The following RALGAPA1 variants were observed in gnomAD, a reference collection of about 807,000 sequenced individuals.
RALGAPA1 encodes the protein Ral GTPase activating protein catalytic subunit alpha 1, also known as ral GTPase-activating protein subunit alpha-1.
RALGAPA1 carries 52 observed loss-of-function variants against 269.6 expected under a neutral mutation model. The observed-to-expected ratio is 0.19, with a 90% confidence interval of 0.15 to 0.24. RALGAPA1 has a LOEUF of 0.24. Ranked by LOEUF, RALGAPA1 falls within the 10% of genes least tolerant of loss-of-function variation. The pLI is 1.00. For synonymous variants in RALGAPA1, 817 were observed against 1,008.3 expected (o/e 0.81, Z 3.60); for missense variants, 1,917 against 3,013.9 (o/e 0.64, Z 8.52).
intron 37 of RALGAPA1, among the ~76,000 whole-genome samples, chr14:35,573,224 G>C (rs562918959): frequency 2.6e-5 from 4 of 152,190 alleles, no homozygotes; most frequent in African/African-American, 7.2e-5. Flanking sequence ...GCTTACAAAG[G>C]TGTTTCTGGC....
At chr14:35,797,717 T>G (rs1595593896) in intron 1 of RALGAPA1, among the ~76,000 whole-genome samples, 1 of 149,484 alleles carries the variant, frequency 6.7e-6, no homozygotes, top group African/African-American at 2.4e-5. Flanking sequence ...TGGTGGCACC[T>G]GCCTGTAATC....
In RALGAPA1 at chr14:35,554,340, T is replaced by G. The variant is rs971992259; in HGVS notation, c.7497-5106A>C. Among the ~76,000 whole-genome samples, 28 of 71,432 alleles carry G rather than the reference T, an allele frequency of 3.9e-4. No individual in the cohort carries two copies. The African/African-American group carries it at 4.6e-3, about 12-fold the overall frequency. The allele number at this position is 71,432 out of a possible 152,430, so 46.9% of individuals were successfully genotyped here. ...TGTTCTTCTACTAAATACACTTTCTTTTTTTTTTTTTTTTTTTTTTTTTTG... is the reference window on the plus strand; with the variant it reads ...TGTTCTTCTACTAAATACACTTTCTGTTTTTTTTTTTTTTTTTTTTTTTTG... On this transcript the variant is annotated intron_variant, in intron 39 of 41. Transcript: ENST00000680220.
At chr14:35,723,296 A>T (rs750564033) in intron 14 of RALGAPA1, 32 bp from the exon 15 acceptor site, 2 of 1,304,692 alleles carry the variant, frequency 1.5e-6, no homozygotes, top group African/African-American at 2.9e-5. Flanking sequence ...ATAACAATAA[A>T]ATGTGTTTAG....
intron 26 of RALGAPA1, among the ~76,000 whole-genome samples, chr14:35,668,294 C>A (rs1566959678): frequency 6.6e-6 from 1 of 151,548 alleles, no homozygotes; most frequent in Non-Finnish European, 1.5e-5. Context: ...ACCAGCCTGG[C>A]CAAAATGGTG....
intron 1 of RALGAPA1, among the ~76,000 whole-genome samples, chr14:35,788,610 G>T (rs931572499): frequency 6.6e-6 from 1 of 152,024 alleles, no homozygotes; most frequent in Non-Finnish European, 1.5e-5. Flanking sequence ...CATAGTGAGG[G>T]GTGGAGAAGC....
chr14:35,667,168 G>A (rs1566957129), intron 26 of RALGAPA1, among the ~76,000 whole-genome samples: 1 of 152,146 alleles, frequency 6.6e-6, no homozygotes, highest in Non-Finnish European at 1.5e-5. Context: ...TTGGGAGGCT[G>A]AGGCGGGCGG....
rs367848860 is a variant in RALGAPA1 at position 35,716,352 on chromosome 14, C to T, written c.2266+5336G>A. ...GGCGGAGGTTGCAGTGAGCTGAGAT[C>T]GCACCACTGCACTCCAGCCTGGGTG... On this transcript the variant is annotated intron_variant, in intron 16 of 41. Coordinates refer to ENST00000680220, the MANE Select transcript of RALGAPA1 (RefSeq NM_001346249.2). Among the ~76,000 whole-genome samples, 766 of 144,330 alleles carry T rather than the reference C, an allele frequency of 5.3e-3. 1 individual carries two copies. Among genetic ancestry groups the T allele is most frequent in the African/African-American group, 0.018 (699 of 38,422 alleles). The allele number at this position is 144,330 out of a possible 152,430, so 94.7% of individuals were successfully genotyped here.
intron 28 of RALGAPA1, among the ~76,000 whole-genome samples, chr14:35,657,050 T>C (rs1408744051): frequency 1.3e-5 from 2 of 152,128 alleles, no homozygotes; most frequent in African/African-American, 2.4e-5. Context: ...AGGATATATA[T>C]ATTTTTTTCT....
intron 13 of RALGAPA1, among the ~76,000 whole-genome samples, chr14:35,725,701 CAA>C (rs766400524): frequency 4.5e-5 from 6 of 133,532 alleles, no homozygotes; most frequent in Non-Finnish European, 6.5e-5. Context: ...CCTTGTCTCT[CAA>C]AAAAAAAAAA....
At chr14:35,790,505 T>C (rs1010794189) in intron 1 of RALGAPA1, among the ~76,000 whole-genome samples, 13 of 151,146 alleles carry the variant, frequency 8.6e-5, no homozygotes, top group Non-Finnish European at 1.5e-4. Context: ...CTGGCCAACA[T>C]GGTGAAACCC....
intron 1 of RALGAPA1, among the ~76,000 whole-genome samples, chr14:35,803,751 G>A (rs1006664952): frequency 9.3e-5 from 14 of 151,348 alleles, no homozygotes; most frequent in African/African-American, 3.4e-4. Context: ...TCCCATCTCA[G>A]CCTCCTGAAT....
At chr14:35,655,950 A>G in intron 28 of RALGAPA1, 35 bp from the exon 29 acceptor site, 1 of 1,611,988 alleles carries the variant, frequency 6.2e-7, no homozygotes, top group East Asian at 2.2e-5. Flanking sequence ...GTTACATAAA[A>G]TGAAACCACC....
intron 17 of RALGAPA1, among the ~76,000 whole-genome samples, chr14:35,692,295 A>C (rs2066544499): frequency 6.6e-6 from 1 of 152,202 alleles, no homozygotes; most frequent in African/African-American, 2.4e-5. Context: ...AAACATTATG[A>C]CACTAGCAAA....
intron 39 of RALGAPA1, 125 bp from the exon 40 acceptor site, chr14:35,549,359 T>C: frequency 1.0e-6 from 1 of 987,332 alleles, no homozygotes; most frequent in Non-Finnish European, 1.4e-6. Flanking sequence ...CACTAATTAT[T>C]CTTATATATT....
At chr14:35,770,027 C>A (rs904279624) in intron 4 of RALGAPA1, among the ~76,000 whole-genome samples, 2 of 151,972 alleles carry the variant, frequency 1.3e-5, no homozygotes, top group African/African-American at 2.4e-5. Flanking sequence ...GAGAGGCAAA[C>A]TGAAGTAAGC....
At chr14:35,786,682 T>C (rs2075822273) in intron 1 of RALGAPA1, among the ~76,000 whole-genome samples, 2 of 152,190 alleles carry the variant, frequency 1.3e-5, no homozygotes, top group Non-Finnish European at 2.9e-5. Flanking sequence ...CCACAGTATC[T>C]CTCACAAACA....
chr14:35,773,594 T>C (rs2074796299), intron 3 of RALGAPA1, among the ~76,000 whole-genome samples: 2 of 152,148 alleles, frequency 1.3e-5, no homozygotes, highest in Admixed American at 1.3e-4. Flanking sequence ...CGTAAACATT[T>C]GAAGGAATAC....
At position 35,696,563 on chromosome 14, in the gene RALGAPA1, A is replaced by G. The variant is rs985871346; in HGVS notation, c.2407+3599T>C. Among the ~76,000 whole-genome samples, 6 of 151,798 alleles carry G rather than the reference A, an allele frequency of 4.0e-5. No individual in the cohort carries two copies. In the East Asian group the frequency reaches 1.2e-3, roughly 29 times the overall value. Reference sequence around the variant, plus strand: ...AAAATGGGCTGGGAACAAATAAGGTACTTAGAAAACTGATGGTCCTTTCTC... The same window carrying G: ...AAAATGGGCTGGGAACAAATAAGGTGCTTAGAAAACTGATGGTCCTTTCTC... On this transcript the variant is annotated intron_variant, in intron 17 of 41. Coordinates refer to ENST00000680220, the MANE Select transcript of RALGAPA1 (RefSeq NM_001346249.2).
At chr14:35,655,120 A>G (rs1373716382) in intron 29 of RALGAPA1, among the ~76,000 whole-genome samples, 2 of 152,180 alleles carry the variant, frequency 1.3e-5, no homozygotes, top group Non-Finnish European at 2.9e-5. Context: ...TCTTGAAGCT[A>G]GTATTTACAA....
Sources: allele counts gnomAD v4.1 joint callset (sites outside exome capture counted in the v4.1 genomes callset), GRCh38; gene constraint gnomAD v4.1.1; transcripts MANE v1.5; gene names NCBI Gene and HGNC (gene_info 2026-07-23, HGNC 2026-07-21).